The following AGPAT4 variants were observed in gnomAD, a reference collection of about 807,000 sequenced individuals.
AGPAT4 encodes the protein 1-acyl-sn-glycerol-3-phosphate acyltransferase delta.
Under a neutral mutation model 48.0 loss-of-function variants are expected in AGPAT4, and 15 were observed. The ratio of observed to expected loss-of-function variants is 0.31; its 90% CI spans 0.21 to 0.48. The LOEUF (loss-of-function observed/expected upper bound fraction) is 0.48. Among genes scored for constraint, AGPAT4 ranks in the 20% least tolerant of loss-of-function variants. The pLI is 0.99. For synonymous variants in AGPAT4, 178 were observed against 198.7 expected, an observed-to-expected ratio of 0.90 and a Z score of 0.88; for missense variants, 314 against 482.5, an observed-to-expected ratio of 0.65 and a Z score of 3.27.
chr6:161,231,256 CA>C lies in AGPAT4; in HGVS notation c.178+779del, dbSNP rs1164880999. 5.9e-5 allele frequency among the ~76,000 whole-genome samples: 9 copies of C among 152,142 alleles called. No homozygotes were observed. The highest frequency in any genetic ancestry group is 1.4e-4 in the African/African-American group (6 of 41,420). ...GCTTAAGGCTAATCAATATCAATAG[CA>C]AAATGCATTTCTGGATGTCCCAATA... On this transcript the variant is annotated intron_variant, in intron 2 of 8. Transcript: ENST00000320285. The surrounding 1 kb of genome is among the most constrained non-coding windows in gnomAD (Gnocchi z 5.3).
chr6:161,182,771 A>G (rs565268968), intron 2 of AGPAT4, among the ~76,000 whole-genome samples: 8 of 152,218 alleles, frequency 5.3e-5, no homozygotes, highest in Non-Finnish European at 1.0e-4. Flanking sequence ...CTCCCTGCCC[A>G]TGACATAGCC....
chr6:161,198,775 T>C lies in AGPAT4; in HGVS notation c.179-32358A>G, dbSNP rs1424476829. Among the ~76,000 whole-genome samples, 1 of 152,132 alleles carries C rather than the reference T, an allele frequency of 6.6e-6. No homozygotes were observed. The highest frequency in any genetic ancestry group is 1.5e-5 in the Non-Finnish European group (1 of 68,026). ...TGTTTTTTCCTTTACACTGACGGAG[T>C]GCGTGAATGTTAACAGGGAAACTGA... On this transcript the variant is annotated intron_variant, in intron 2 of 8. Coordinates refer to ENST00000320285, the MANE Select transcript of AGPAT4 (RefSeq NM_020133.3). This position sits in a 1 kb window ranked among gnomAD's most constrained non-coding sequence, Gnocchi z 4.3.
In AGPAT4 at chr6:161,259,043, C is replaced by T. The variant is rs531723462; in HGVS notation, c.-90+14895G>A. ...AAACTCCTGACCTCAAGTGATCCTC[C>T]CGCCTCAGCCTCCCAAAGTGCTGGG... On this transcript the variant is annotated intron_variant, in intron 1 of 8. Coordinates refer to ENST00000320285, the MANE Select transcript of AGPAT4 (RefSeq NM_020133.3). The surrounding 1 kb of genome is among the most constrained non-coding windows in gnomAD (Gnocchi z 4.9). 2.7e-4 allele frequency among the ~76,000 whole-genome samples: 41 copies of T among 152,032 alleles called. 1 individual carries two copies. Among genetic ancestry groups the T allele is most frequent in the African/African-American group, 9.4e-4 (39 of 41,468 alleles).
At position 161,196,634 on chromosome 6, in the gene AGPAT4, C is replaced by G. The variant is rs1402666209; in HGVS notation, c.179-30217G>C. ...ACCAGCCTGGCCAACATGGTGAAAC[C>G]CTGTCTCTACCAAAAATACAAAAAA... On this transcript the variant is annotated intron_variant, in intron 2 of 8. Transcript: ENST00000320285. This position sits in a 1 kb window ranked among gnomAD's most constrained non-coding sequence, Gnocchi z 4.3. Among the ~76,000 whole-genome samples the G allele has an allele frequency of 6.6e-6, 1 of 151,792 alleles. No homozygotes were observed. Among genetic ancestry groups the G allele is most frequent in the African/African-American group, 2.4e-5 (1 of 41,302 alleles).
chr6:161,236,208 G>A lies in AGPAT4; in HGVS notation c.-89-3906C>T, dbSNP rs758765315. ...ATGCTGTTTCTGAGCATATCAGAGCGCTACTTACAGAGTTTCTAAATCAAC... is the reference window on the plus strand; with the variant it reads ...ATGCTGTTTCTGAGCATATCAGAGCACTACTTACAGAGTTTCTAAATCAAC... On this transcript the variant is annotated intron_variant, in intron 1 of 8. Transcript: ENST00000320285. This position sits in a 1 kb window ranked among gnomAD's most constrained non-coding sequence, Gnocchi z 5.0. 5.3e-5 allele frequency among the ~76,000 whole-genome samples: 8 copies of A among 151,934 alleles called. No homozygotes were observed. The highest frequency in any genetic ancestry group is 9.7e-5 in the African/African-American group (4 of 41,372).
intron 2 of AGPAT4, among the ~76,000 whole-genome samples, chr6:161,211,019 C>G (rs1293549560): frequency 1.3e-5 from 2 of 152,198 alleles, no homozygotes; most frequent in African/African-American, 4.8e-5. Context: ...GTTAATTTGG[C>G]CTATGCCCAG....
rs1167870810 is a variant in AGPAT4, at chr6:161,235,830, G to A, written c.-89-3528C>T. On this transcript the variant is annotated intron_variant, in intron 1 of 8. Transcript: ENST00000320285. The surrounding 1 kb of genome is among the most constrained non-coding windows in gnomAD (Gnocchi z 6.2). ...GTGCTAAACCATTCATGAGAACTCC[G>A]CCCCCGTGATCCAATCAGCTCCCAC... is the stretch of plus-strand genomic sequence containing the variant. 2.6e-5 allele frequency among the ~76,000 whole-genome samples: 4 copies of A among 152,068 alleles called. No homozygotes were observed. The highest frequency in any genetic ancestry group is 2.1e-4 in the South Asian group (1 of 4,812).
At chr6:161,248,732 G>T (rs1448796374) in intron 1 of AGPAT4, among the ~76,000 whole-genome samples, 2 of 152,146 alleles carry the variant, frequency 1.3e-5, no homozygotes, top group East Asian at 3.8e-4. Context: ...TATCGTTAAA[G>T]TGTGCATACT....
At position 161,217,294 on chromosome 6, in the gene AGPAT4, A is replaced by G. The variant is rs1020673944; in HGVS notation, c.178+14742T>C. On this transcript the variant is annotated intron_variant, in intron 2 of 8. Transcript: ENST00000320285. The surrounding 1 kb of genome is among the most constrained non-coding windows in gnomAD (Gnocchi z 4.9). ...CTGGGCTCCCATCAATGCCTGGTAC[A>G]TGGTAACAGAAGGTGCTCAATAGAT... Among the ~76,000 whole-genome samples the G allele has an allele frequency of 6.6e-6, 1 of 152,206 alleles. No homozygotes were observed. Among genetic ancestry groups the G allele is most frequent in the African/African-American group, 2.4e-5 (1 of 41,454 alleles).
intron 2 of AGPAT4, among the ~76,000 whole-genome samples, chr6:161,193,495 C>T (rs533242797): frequency 2.6e-5 from 4 of 152,348 alleles, no homozygotes; most frequent in South Asian, 2.1e-4. Context: ...GCAAGCAGGC[C>T]GCTCTGTGGT....
At position 161,234,985 on chromosome 6, in the gene AGPAT4, G is replaced by C. The variant is rs1782233621; in HGVS notation, c.-89-2683C>G. 6.6e-6 allele frequency among the ~76,000 whole-genome samples: 1 copy of C among 151,886 alleles called. No homozygotes were observed. Among genetic ancestry groups the C allele is most frequent in the South Asian group, 2.1e-4 (1 of 4,806 alleles). ...AGATAGCATTGGTGAAGTGTAAAGA[G>C]GAACCCCAAGCAGATGAGCCTAAAG... On this transcript the variant is annotated intron_variant, in intron 1 of 8. Coordinates refer to ENST00000320285, the MANE Select transcript of AGPAT4 (RefSeq NM_020133.3). This position sits in a 1 kb window ranked among gnomAD's most constrained non-coding sequence, Gnocchi z 4.4.
At chr6:161,194,802 T>G (rs1349807351) in intron 2 of AGPAT4, among the ~76,000 whole-genome samples, 1 of 152,072 alleles carries the variant, frequency 6.6e-6, no homozygotes, top group Non-Finnish European at 1.5e-5. Flanking sequence ...CTTATTTTGT[T>G]CATCTTTAAG....
rs1779729995 is a variant in AGPAT4 at position 161,155,091 on chromosome 6, G to A, written c.349-781C>T. Among the ~76,000 whole-genome samples the A allele has an allele frequency of 6.6e-6, 1 of 152,268 alleles. No homozygotes were observed. The highest frequency in any genetic ancestry group is 1.9e-4 in the East Asian group (1 of 5,164). On this transcript the variant is annotated intron_variant, in intron 3 of 8. Coordinates refer to ENST00000320285, the MANE Select transcript of AGPAT4 (RefSeq NM_020133.3). This position sits in a 1 kb window ranked among gnomAD's most constrained non-coding sequence, Gnocchi z 5.8. ...ACCTGCCAGAGACCTTCTTGAGGCT[G>A]ACGCAGGTGCACGAGCTAGGCCCCA...
Position 161,130,919 on chromosome 6 carries a change from T to TA in AGPAT4, c.*5620_*5621insT. 1.9e-6 allele frequency: 1 copy of TA among 519,060 alleles called. No homozygotes were observed. The highest frequency in any genetic ancestry group is 3.8e-6 in the Non-Finnish European group (1 of 259,864). 32.2% of individuals were successfully genotyped at this position (519,060 alleles called of 1,614,324 possible). A position where few individuals can be genotyped will look rare whatever the true frequency, so the allele number is the denominator to read the frequency against. On this transcript the variant is annotated 3_prime_UTR_variant, in exon 9 of 9. Transcript: ENST00000320285. ...ATTCCAAAATTCCATGGATGACTTT[T>TA]CTGAATGTCCTAGAATGTTTGGCAA...
intron 2 of AGPAT4, among the ~76,000 whole-genome samples, chr6:161,209,428 G>A (rs114330507): frequency 1.2e-3 from 182 of 152,282 alleles, no homozygotes; most frequent in African/African-American, 3.4e-3. Flanking sequence ...TGTAAAATAC[G>A]TTGATTGTTC....
intron 1 of AGPAT4, among the ~76,000 whole-genome samples, chr6:161,268,624 C>A (rs1371951886): frequency 6.6e-6 from 1 of 152,192 alleles, no homozygotes; most frequent in African/African-American, 2.4e-5. Context: ...CTAAACAGAG[C>A]AGAGATGCCC....
In AGPAT4 at chr6:161,144,032, C is replaced by T. The variant is rs1245919865; in HGVS notation, c.843+2492G>A. The T allele has an allele frequency of 2.2e-6, 1 of 446,872 alleles. No homozygotes were observed. The highest frequency in any genetic ancestry group is 2.5e-5 in the Admixed American group (1 of 40,102). The allele number at this position is 446,872 out of a possible 1,614,324, so 27.7% of individuals were successfully genotyped here. Reference sequence around the variant, plus strand: ...TCATTAAAATGAAATCCCACTTTGACAAACTGGGTCGGGCACCCAGATTTG... The same window carrying T: ...TCATTAAAATGAAATCCCACTTTGATAAACTGGGTCGGGCACCCAGATTTG... On this transcript the variant is annotated intron_variant, in intron 7 of 8. Coordinates refer to ENST00000320285, the MANE Select transcript of AGPAT4 (RefSeq NM_020133.3). This position sits in a 1 kb window ranked among gnomAD's most constrained non-coding sequence, Gnocchi z 6.6.
chr6:161,256,366 T>C (rs375110831), intron 1 of AGPAT4, among the ~76,000 whole-genome samples: 6 of 152,160 alleles, frequency 3.9e-5, no homozygotes, highest in African/African-American at 1.2e-4. Context: ...GTGCCTAAGA[T>C]TGGGGAAAAG....
Position 161,171,278 on chromosome 6 carries a change from G to A in AGPAT4, c.179-4861C>T, listed in dbSNP as rs1221172613. Among the ~76,000 whole-genome samples the A allele has an allele frequency of 6.6e-6, 1 of 152,220 alleles. No individual in the cohort carries two copies. The highest frequency in any genetic ancestry group is 1.5e-5 in the Non-Finnish European group (1 of 68,042). ...TTGTCTTAGTCCATTTTATGCTGCTGTAACAGAATAGTTGAGACTGGGCAA... is the reference window on the plus strand; with the variant it reads ...TTGTCTTAGTCCATTTTATGCTGCTATAACAGAATAGTTGAGACTGGGCAA... On this transcript the variant is annotated intron_variant, in intron 2 of 8. Coordinates refer to ENST00000320285, the MANE Select transcript of AGPAT4 (RefSeq NM_020133.3). The surrounding 1 kb of genome is among the most constrained non-coding windows in gnomAD (Gnocchi z 4.4).
Sources: allele counts gnomAD v4.1 joint callset (sites outside exome capture counted in the v4.1 genomes callset), GRCh38; gene constraint gnomAD v4.1.1; non-coding constraint Gnocchi (gnomAD v3.1); transcripts MANE v1.5; gene names NCBI Gene and HGNC (gene_info 2026-07-23, HGNC 2026-07-21).